MAGI1: variants seen among roughly 807,000 people sequenced by gnomAD.
The protein encoded by MAGI1 is membrane-associated guanylate kinase, WW and PDZ domain-containing protein 1.
Under a neutral mutation model 139.9 loss-of-function variants are expected in MAGI1, and 58 were observed. That is an observed-to-expected ratio of 0.41 (90% CI 0.34 to 0.52). MAGI1 has a LOEUF of 0.52. Ranked by LOEUF, MAGI1 falls within the 20% of genes least tolerant of loss-of-function variation. The pLI is 0.12. For synonymous variants in MAGI1, 812 were observed against 737.9 expected, an observed-to-expected ratio of 1.10 and a Z score of -1.63; for missense variants, 1,874 against 1,901.6, an observed-to-expected ratio of 0.99 and a Z score of 0.27.
intron 1 of MAGI1, among the ~76,000 whole-genome samples, chr3:65,907,391 C>G (rs1425200248): frequency 3.9e-5 from 6 of 152,108 alleles, no homozygotes; most frequent in Admixed American, 6.6e-5. Context: ...GTGACAAAAC[C>G]AAGACTTAAA....
At chr3:65,672,354 T>G (rs929517859) in intron 1 of MAGI1, among the ~76,000 whole-genome samples, 4 of 152,230 alleles carry the variant, frequency 2.6e-5, no homozygotes, top group African/African-American at 9.6e-5. Flanking sequence ...TTTGCTGTAT[T>G]TGTATATGCT....
intron 2 of MAGI1, among the ~76,000 whole-genome samples, chr3:65,529,267 A>G (rs1312600115): frequency 6.6e-6 from 1 of 152,182 alleles, no homozygotes; most frequent in African/African-American, 2.4e-5. Context: ...TAATTCAGTG[A>G]CAGTACATTC....
intron 3 of MAGI1, among the ~76,000 whole-genome samples, chr3:65,484,464 T>A (rs1366300478): frequency 1.3e-5 from 2 of 152,124 alleles, no homozygotes; most frequent in South Asian, 2.1e-4. Flanking sequence ...GCAAAAATTG[T>A]TTTCTTTTTT....
intron 2 of MAGI1, among the ~76,000 whole-genome samples, chr3:65,533,595 A>G (rs921824247): frequency 1.3e-5 from 2 of 152,262 alleles, no homozygotes; most frequent in Non-Finnish European, 2.9e-5. Flanking sequence ...TGATCGCCTC[A>G]AAATCACTTT....
chr3:65,445,140 T>A lies in MAGI1; in HGVS notation c.1079-2291A>T, dbSNP rs558640874. 3.9e-5 allele frequency among the ~76,000 whole-genome samples: 6 copies of A among 152,306 alleles called. No individual in the cohort carries two copies. In the East Asian group the frequency reaches 1.2e-3, roughly 29 times the overall value. On this transcript the variant is annotated intron_variant, in intron 7 of 22. Coordinates refer to ENST00000402939, the MANE Select transcript of MAGI1 (RefSeq NM_001033057.2). ...TAGACAGTACAACCTATCACAGAGA[T>A]TTGAAGTGGCTAAGATCCTTTTGGC...
chr3:65,690,567 C>T (rs993445351), intron 1 of MAGI1, among the ~76,000 whole-genome samples: 2 of 152,006 alleles, frequency 1.3e-5, no homozygotes, highest in African/African-American at 4.8e-5. Context: ...ACCTCCACCT[C>T]CTGGGTTGAA....
At chr3:65,914,007 GA>G (rs2061783941) in intron 1 of MAGI1, 1 of 152,146 alleles carries the variant, frequency 6.6e-6, no homozygotes, top group African/African-American at 2.4e-5. Context: ...GGGAGACAAA[GA>G]AGGAAGAAAA....
chr3:65,860,042 C>T (rs889902841), intron 1 of MAGI1, among the ~76,000 whole-genome samples: 21 of 151,894 alleles, frequency 1.4e-4, no homozygotes, highest in Non-Finnish European at 2.2e-4. Flanking sequence ...ATTACAGGCA[C>T]GCACCACCAT....
intron 2 of MAGI1, among the ~76,000 whole-genome samples, chr3:65,549,204 T>G (rs1465900637): frequency 6.6e-6 from 1 of 152,118 alleles, no homozygotes; most frequent in Non-Finnish European, 1.5e-5. Flanking sequence ...AAGGGGGAAC[T>G]TGAACGCCCG....
chr3:65,491,005 A>G (rs1018072413), intron 3 of MAGI1, among the ~76,000 whole-genome samples: 1 of 152,160 alleles, frequency 6.6e-6, no homozygotes. Flanking sequence ...CAAAATAACT[A>G]TGCAACATTC....
intron 1 of MAGI1, among the ~76,000 whole-genome samples, chr3:65,880,624 G>C (rs1336292114): frequency 2.6e-5 from 4 of 152,064 alleles, no homozygotes; most frequent in Non-Finnish European, 5.9e-5. Flanking sequence ...CATAAAAGTA[G>C]CATTCCACGC....
chr3:65,500,326 TTAAG>T (rs1483755844), intron 2 of MAGI1, among the ~76,000 whole-genome samples: 12 of 152,180 alleles, frequency 7.9e-5, no homozygotes, highest in African/African-American at 2.9e-4. Context: ...AGATAATAAC[TTAAG>T]TAATTAATTT....
chr3:65,951,055 G>GA (rs1169709198), intron 1 of MAGI1, among the ~76,000 whole-genome samples: 6 of 149,654 alleles, frequency 4.0e-5, no homozygotes, highest in Admixed American at 6.7e-5. Context: ...GAGGGAGGGA[G>GA]GAAGGTGGGA....
At position 65,910,855 on chromosome 3, in the gene MAGI1, CTTTTTT is replaced by C. The variant is rs397989928; in HGVS notation, c.313+127135_313+127140del. On this transcript the variant is annotated intron_variant, in intron 1 of 22. Coordinates refer to ENST00000402939, the MANE Select transcript of MAGI1 (RefSeq NM_001033057.2). Reference sequence around the variant, plus strand: ...TGAGGCCTCTTTCAGACATGGTGGACTTTTTTTTTTTTTTTTTTTTGAGATGGAGAC... The same window carrying C: ...TGAGGCCTCTTTCAGACATGGTGGACTTTTTTTTTTTTTTGAGATGGAGAC... Among the ~76,000 whole-genome samples, 25 of 59,480 alleles carry C rather than the reference CTTTTTT, an allele frequency of 4.2e-4. 2 individuals carry two copies. The highest frequency in any genetic ancestry group is 1.9e-3 in the African/African-American group (24 of 12,680). 39.0% of individuals were successfully genotyped at this position (59,480 alleles called of 152,430 possible).
At chr3:65,597,177 C>A (rs1559705109) in intron 2 of MAGI1, among the ~76,000 whole-genome samples, 1 of 151,848 alleles carries the variant, frequency 6.6e-6, no homozygotes, top group East Asian at 1.9e-4. Context: ...TTTTTCCCCC[C>A]TCCCTTCCCC....
chr3:65,668,562 C>CTTTTTTTT (rs58434479), intron 1 of MAGI1, among the ~76,000 whole-genome samples: 208 of 79,706 alleles, frequency 2.6e-3, no homozygotes, highest in Middle Eastern at 8.8e-3. Flanking sequence ...CCTTTTTTTT[C>CTTTTTTTT]TTTTTTTTTT....
intron 1 of MAGI1, among the ~76,000 whole-genome samples, chr3:65,777,452 T>G (rs1327355258): frequency 6.6e-6 from 1 of 152,130 alleles, no homozygotes; most frequent in African/African-American, 2.4e-5. Flanking sequence ...AGGGACTATA[T>G]TTGGCATAAA....
chr3:65,721,788 T>C (rs78657211), intron 1 of MAGI1, among the ~76,000 whole-genome samples: 4,622 of 152,192 alleles, frequency 0.03, 210 homozygotes, highest in African/African-American at 0.1. Flanking sequence ...ACTGCCTCAG[T>C]TGGTTTCCTT....
intron 1 of MAGI1, among the ~76,000 whole-genome samples, chr3:65,845,791 C>T (rs1412164754): frequency 6.6e-6 from 1 of 152,162 alleles, no homozygotes; most frequent in Non-Finnish European, 1.5e-5. Context: ...AAATGACAAC[C>T]TGAATTTTAG....
Sources: gnomAD v4.1 joint callset for allele counts (sites outside exome capture counted in the v4.1 genomes callset) on GRCh38, gnomAD v4.1.1 for gene constraint, MANE v1.5 for transcripts, NCBI Gene and HGNC (gene_info 2026-07-23, HGNC 2026-07-21) for gene names.